AGBL1: variants seen among roughly 807,000 people sequenced by gnomAD.
AGBL1 encodes cytosolic carboxypeptidase 4.
AGBL1 carries 130 observed loss-of-function variants against 118.9 expected under a neutral mutation model. That is an observed-to-expected ratio of 1.09 (90% CI 0.95 to 1.26). AGBL1 has a LOEUF of 1.26. Among genes scored for constraint, AGBL1 ranks in the 50% most tolerant of loss-of-function variants. The pLI is 0.00. For missense variants in AGBL1, 1,584 were observed against 1,298.1 expected, an observed-to-expected ratio of 1.22 and a Z score of -3.38; for synonymous variants, 555 against 478.9, an observed-to-expected ratio of 1.16 and a Z score of -2.08.
intron 22 of AGBL1, among the ~76,000 whole-genome samples, chr15:86,891,436 C>T (rs577341326): frequency 2.8e-4 from 42 of 152,026 alleles, no homozygotes; most frequent in Non-Finnish European, 5.1e-4. Context: ...TGACATTGCA[C>T]CATGTGTCCC....
At chr15:86,893,576 G>A (rs535399297) in intron 22 of AGBL1, among the ~76,000 whole-genome samples, 1 of 152,108 alleles carries the variant, frequency 6.6e-6, no homozygotes, top group Non-Finnish European at 1.5e-5. Flanking sequence ...ACATCATAAA[G>A]TTGCAAATTG....
At chr15:86,637,170 C>T (rs943035822) in intron 21 of AGBL1, among the ~76,000 whole-genome samples, 1 of 151,958 alleles carries the variant, frequency 6.6e-6, no homozygotes, top group African/African-American at 2.4e-5. Flanking sequence ...ATGCACATTA[C>T]ACAACACAGG....
At chr15:86,622,479 C>T (rs999785136) in intron 21 of AGBL1, among the ~76,000 whole-genome samples, 7 of 151,842 alleles carry the variant, frequency 4.6e-5, no homozygotes, top group African/African-American at 9.7e-5. Flanking sequence ...GATATAAAAT[C>T]GACAATAACA....
intron 1 of AGBL1, among the ~76,000 whole-genome samples, chr15:86,141,552 G>C (rs114059971): frequency 0.037 from 5,609 of 152,258 alleles, 332 homozygotes; most frequent in African/African-American, 0.13. Flanking sequence ...TTGGCAGGCT[G>C]AGGCAGAAGA....
At chr15:86,154,616 C>A in intron 4 of AGBL1, 55 bp downstream of exon 4, 1 of 1,553,790 alleles carries the variant, frequency 6.4e-7, no homozygotes, top group Non-Finnish European at 8.7e-7. Context: ...GGCTGGGACA[C>A]ATGGAAACTG....
chr15:86,991,738 C>T (rs935552862), intron 24 of AGBL1, among the ~76,000 whole-genome samples: 21 of 152,178 alleles, frequency 1.4e-4, no homozygotes, highest in African/African-American at 4.3e-4. Context: ...GACTTTAGCC[C>T]GTAGCACTGC....
At chr15:86,459,656 A>C (rs1468918726) in intron 18 of AGBL1, among the ~76,000 whole-genome samples, 1 of 152,122 alleles carries the variant, frequency 6.6e-6, no homozygotes, top group Non-Finnish European at 1.5e-5. Flanking sequence ...TCCACACAAT[A>C]CATGGTTATC....
At chr15:86,853,923 C>A (rs2079442857) in intron 22 of AGBL1, among the ~76,000 whole-genome samples, 1 of 151,958 alleles carries the variant, frequency 6.6e-6, no homozygotes, top group African/African-American at 2.4e-5. Flanking sequence ...ATAATTTCTG[C>A]CAGATGATAA....
intron 1 of AGBL1, among the ~76,000 whole-genome samples, chr15:86,114,479 A>G (rs979515184): frequency 6.6e-6 from 1 of 152,180 alleles, no homozygotes; most frequent in Non-Finnish European, 1.5e-5. Flanking sequence ...TTTGTGAAAA[A>G]CAATAGGAAC....
chr15:86,636,492 TA>T (rs2085087201), intron 21 of AGBL1, among the ~76,000 whole-genome samples: 1 of 30,406 alleles, frequency 3.3e-5, no homozygotes, highest in Non-Finnish European at 8.1e-5. Flanking sequence ...TTCATCAAGA[TA>T]GTTTTTTTTT....
intron 6 of AGBL1, 101 bp downstream of exon 6, chr15:86,225,052 G>A: frequency 1.9e-6 from 2 of 1,030,608 alleles, no homozygotes; most frequent in Non-Finnish European, 2.8e-6. Flanking sequence ...TTTTTTTCAT[G>A]AACTACTATT....
At chr15:86,764,021 G>A (rs1001896405) in intron 22 of AGBL1, among the ~76,000 whole-genome samples, 1 of 151,992 alleles carries the variant, frequency 6.6e-6, no homozygotes, top group Non-Finnish European at 1.5e-5. Context: ...TAATTGGGTA[G>A]GGAAAGCGAA....
chr15:86,268,462 G>C (rs972107041), intron 13 of AGBL1, among the ~76,000 whole-genome samples: 7 of 152,196 alleles, frequency 4.6e-5, no homozygotes, highest in African/African-American at 1.7e-4. Flanking sequence ...ACAGTTATCA[G>C]ATCAGGATGC....
intron 17 of AGBL1, among the ~76,000 whole-genome samples, chr15:86,379,843 C>A (rs1463437355): frequency 6.6e-6 from 1 of 152,158 alleles, no homozygotes; most frequent in Non-Finnish European, 1.5e-5. Context: ...GTGGAGCAGT[C>A]CAATCTTAAC....
chr15:86,471,209 G>A (rs772236410), intron 18 of AGBL1, among the ~76,000 whole-genome samples: 1 of 152,228 alleles, frequency 6.6e-6, no homozygotes, highest in East Asian at 1.9e-4. Flanking sequence ...TTAATATTAA[G>A]ATAGTTTTCT....
upstream of AGBL1, chr15:86,079,669 TCCTGCATGGG>T (rs1431622401): frequency 7.6e-6 from 2 of 264,392 alleles, no homozygotes; most frequent in African/African-American, 4.4e-5. Context: ...TTTGCTCTGC[TCCTGCATGGG>T]CCTGGAGGTG....
chr15:86,349,119 C>A (rs564082263), intron 17 of AGBL1, among the ~76,000 whole-genome samples: 89 of 152,250 alleles, frequency 5.8e-4, no homozygotes, highest in Admixed American at 1.4e-3. Context: ...CAAGAACCAC[C>A]AAAGACTAAA....
At chr15:86,565,615 A>T (rs903289520) in intron 21 of AGBL1, among the ~76,000 whole-genome samples, 1 of 152,210 alleles carries the variant, frequency 6.6e-6, no homozygotes, top group Non-Finnish European at 1.5e-5. Flanking sequence ...CCGTTCTCTG[A>T]TCTCAAACTC....
At chr15:86,226,959 A>G (rs1229297708) in intron 6 of AGBL1, among the ~76,000 whole-genome samples, 1 of 152,208 alleles carries the variant, frequency 6.6e-6, no homozygotes, top group East Asian at 1.9e-4. Flanking sequence ...TTGTTGTATT[A>G]CTTGCCTCAG....
Sources: allele counts gnomAD v4.1 joint callset (sites outside exome capture counted in the v4.1 genomes callset), GRCh38; gene constraint gnomAD v4.1.1; transcripts MANE v1.5; gene names NCBI Gene and HGNC (gene_info 2026-07-23, HGNC 2026-07-21).